EVL: variants seen among roughly 807,000 people sequenced by gnomAD.
EVL encodes Enah/Vasp-like.
A neutral mutation model predicts 59.6 loss-of-function variants in EVL; 21 were observed. That is an observed-to-expected ratio of 0.35 (90% confidence interval 0.25 to 0.51). EVL has a LOEUF of 0.51. EVL is among the 20% of genes least tolerant of loss of function. The pLI, the probability that EVL is intolerant of heterozygous loss-of-function variation, is 0.97. For synonymous variants in EVL, 198 were observed against 203.5 expected (o/e 0.97, Z 0.23); for missense variants, 462 against 546.6 (o/e 0.85, Z 1.54).
At chr14:100,057,386 A>C (rs1421836596) in intron 1 of EVL, among the ~76,000 whole-genome samples, 1 of 152,210 alleles carries the variant, frequency 6.6e-6, no homozygotes, top group Non-Finnish European at 1.5e-5. Flanking sequence ...CTCAGCTGAC[A>C]TCGGGGTTTC....
chr14:100,020,646 G>A (rs570713169), intron 1 of EVL, among the ~76,000 whole-genome samples: 5 of 152,144 alleles, frequency 3.3e-5, no homozygotes, highest in East Asian at 1.9e-4. Context: ...ATGTTGCTGC[G>A]GTAGACATTA....
intron 1 of EVL, among the ~76,000 whole-genome samples, chr14:100,009,551 A>G (rs1269517198): frequency 1.3e-5 from 2 of 152,182 alleles, no homozygotes; most frequent in African/African-American, 2.4e-5. Context: ...TGTTTATTCA[A>G]TCATTCCAGT....
At chr14:100,015,302 G>A (rs986025836) in intron 1 of EVL, among the ~76,000 whole-genome samples, 3 of 152,236 alleles carry the variant, frequency 2.0e-5, no homozygotes, top group African/African-American at 7.2e-5. Flanking sequence ...GAAGGTACCG[G>A]TTAAGCTGAG....
At chr14:100,000,125 G>T (rs1282802734) in intron 1 of EVL, among the ~76,000 whole-genome samples, 5 of 152,300 alleles carry the variant, frequency 3.3e-5, no homozygotes, top group African/African-American at 1.2e-4. Flanking sequence ...TTTTGCCAAG[G>T]TTGAGGACAC....
In EVL at chr14:100,135,930, C is replaced by T. The variant is rs151058458; in HGVS notation, c.926C>T (p.Pro309Leu). The T allele has an allele frequency of 4.2e-5, 67 of 1,613,772 alleles. No homozygotes were observed. The highest frequency in any genetic ancestry group is 1.6e-4 in the Middle Eastern group (1 of 6,084). ...QMEDPSTSPS[P>L]GTRAASQPPN... ...GAAGATCCTAGTACCTCCCCCTCTC[C>T]GGGGACCCGAGCAGCCAGCCAGCCA... Residue 309 changes from proline (P) to leucine (L), a missense_variant, in exon 9 of 14, where the codon CCG (proline) becomes CTG (leucine). Physicochemically the swap from Pro to Leu is moderately conservative, Grantham distance 98. Coordinates refer to ENST00000392920, the MANE Select transcript of EVL (RefSeq NM_016337.3).
chr14:100,125,191 CACA>C (rs1887982772), intron 4 of EVL, among the ~76,000 whole-genome samples: 1 of 149,802 alleles, frequency 6.7e-6, no homozygotes, highest in Non-Finnish European at 1.5e-5. Flanking sequence ...CACACACACA[CACA>C]CCTGCCCCAA....
chr14:100,137,871 T>TAACA (rs773826390), intron 11 of EVL, 69 bp downstream of exon 11: 10 of 1,463,534 alleles, frequency 6.8e-6, no homozygotes, highest in African/African-American at 2.8e-5. Flanking sequence ...GTCCCGTGAC[T>TAACA]AACACCCTTG....
intron 3 of EVL, among the ~76,000 whole-genome samples, chr14:100,111,003 C>T (rs1207347219): frequency 6.6e-6 from 1 of 152,140 alleles, no homozygotes; most frequent in East Asian, 1.9e-4. Flanking sequence ...ATGGTCAGCA[C>T]AGTGGTTGAC....
intron 4 of EVL, 31 bp downstream of exon 4, chr14:100,123,633 TCA>T (rs1887841110): frequency 6.2e-7 from 1 of 1,612,528 alleles, no homozygotes; most frequent in African/African-American, 1.3e-5. Context: ...GCCAGGCTGG[TCA>T]TCTCCCAATC....
intron 3 of EVL, among the ~76,000 whole-genome samples, chr14:100,115,489 C>G (rs1474285529): frequency 6.6e-6 from 1 of 152,254 alleles, no homozygotes; most frequent in Non-Finnish European, 1.5e-5. Context: ...GTGCTTCCCA[C>G]TGTGGCCCTG....
chr14:100,081,548 A>G (rs1368786648), intron 1 of EVL, among the ~76,000 whole-genome samples: 1 of 149,816 alleles, frequency 6.7e-6, no homozygotes, highest in African/African-American at 2.5e-5. Context: ...TGTAGCTATA[A>G]TTACAAGAAG....
chr14:100,028,134 G>GTTTTTTTTTTTTTTTTTTTT (rs137903594), intron 1 of EVL, among the ~76,000 whole-genome samples: 1 of 118,768 alleles, frequency 8.4e-6, no homozygotes, highest in Non-Finnish European at 1.7e-5. Flanking sequence ...TTGTTTGTTT[G>GTTTTTTTTTTTTTTTTTTTT]TTTTTTTTTT....
At chr14:99,997,498 G>T (rs889658200) in intron 1 of EVL, among the ~76,000 whole-genome samples, 1 of 152,256 alleles carries the variant, frequency 6.6e-6, no homozygotes, top group African/African-American at 2.4e-5. Flanking sequence ...CAAGATGAAT[G>T]ATTTTGATTC....
At chr14:100,078,022 C>T (rs1461304067) in intron 1 of EVL, among the ~76,000 whole-genome samples, 1 of 152,188 alleles carries the variant, frequency 6.6e-6, no homozygotes, top group Non-Finnish European at 1.5e-5. Context: ...GATCCGCCCG[C>T]CTTGGCCTCC....
At chr14:100,043,526 C>T (rs2061500549) in intron 1 of EVL, among the ~76,000 whole-genome samples, 1 of 150,942 alleles carries the variant, frequency 6.6e-6, no homozygotes, top group Non-Finnish European at 1.5e-5. Context: ...GGCTGGAGAG[C>T]CTGGAGTTCT....
intron 1 of EVL, among the ~76,000 whole-genome samples, chr14:100,076,485 A>G (rs1229403895): frequency 6.6e-5 from 10 of 152,222 alleles, no homozygotes; most frequent in Admixed American, 1.3e-4. Context: ...GGGACCTAGC[A>G]TAGACATTGC....
intron 13 of EVL, chr14:100,142,260 C>T (rs1368142909): frequency 1.3e-5 from 2 of 150,822 alleles, no homozygotes; most frequent in Non-Finnish European, 2.9e-5. Context: ...TACAGAAGCA[C>T]CTTCCAGGCT....
chr14:99,990,381 T>C (rs888175641), intron 1 of EVL, among the ~76,000 whole-genome samples: 1 of 152,238 alleles, frequency 6.6e-6, no homozygotes, highest in Non-Finnish European at 1.5e-5. Context: ...GTCTTAACCA[T>C]TTTTAAGTGT....
intron 1 of EVL, among the ~76,000 whole-genome samples, chr14:99,998,880 C>T (rs1240769193): frequency 6.6e-6 from 1 of 152,046 alleles, no homozygotes; most frequent in African/African-American, 2.4e-5. Flanking sequence ...AGTAAATTGT[C>T]CAAGGTCCAG....
Sources: allele counts gnomAD v4.1 joint callset (sites outside exome capture counted in the v4.1 genomes callset), GRCh38; gene constraint gnomAD v4.1.1; transcripts MANE v1.5; gene names NCBI Gene and HGNC (gene_info 2026-07-23, HGNC 2026-07-21).